The following KANSL2 variants were observed in gnomAD, a reference collection of about 807,000 sequenced individuals.
KANSL2 encodes KAT8 regulatory NSL complex subunit 2.
A neutral mutation model predicts 55.6 loss-of-function variants in KANSL2; 34 were observed. That is an observed-to-expected ratio of 0.61 (90% confidence interval 0.46 to 0.81). The LOEUF (loss-of-function observed/expected upper bound fraction) is 0.81. Among genes scored for constraint, KANSL2 ranks in the 40% least tolerant of loss-of-function variants. The probability of loss-of-function intolerance (pLI) is 0.00; values close to 1 mark genes in which losing one functional copy is unlikely to be tolerated. For synonymous variants in KANSL2, 209 were observed against 214.3 expected, an observed-to-expected ratio of 0.98 and a Z score of 0.22; for missense variants, 502 against 609.9, an observed-to-expected ratio of 0.82 and a Z score of 1.86.
chr12:48,668,201 C>T (rs2137190248), intron 6 of KANSL2, among the ~76,000 whole-genome samples: 1 of 152,330 alleles, frequency 6.6e-6, no homozygotes, highest in Middle Eastern at 3.4e-3. Context: ...CATTCAATTG[C>T]TCCTATTCTA....
Position 48,682,195 on chromosome 12 carries a change from C to A in KANSL2, c.-18G>T. Reference sequence around the variant, plus strand: ...GAGCACCGCCATCTTACCTCAGGAGCTGCGCTGCGCCGCACTCTGCCGCGC... The same window carrying A: ...GAGCACCGCCATCTTACCTCAGGAGATGCGCTGCGCCGCACTCTGCCGCGC... On this transcript the variant is annotated 5_prime_UTR_variant, in exon 1 of 10. Transcript: ENST00000420613. The A allele has an allele frequency of 4.4e-6, 3 of 677,388 alleles. No homozygotes were observed. Among genetic ancestry groups the A allele is most frequent in the East Asian group, 2.7e-5 (1 of 36,986 alleles). The allele number at this position is 677,388 out of a possible 1,614,324, so 42.0% of individuals were successfully genotyped here.
intron 7 of KANSL2, chr12:48,662,525 CAA>C (rs1939507123): frequency 2.4e-6 from 3 of 1,247,174 alleles, no homozygotes; most frequent in Non-Finnish European, 3.1e-6. Context: ...TCAGATGGGG[CAA>C]AAGAGGTAAA....
In KANSL2 at chr12:48,657,415, ACT is replaced by A. The variant is rs546459973; in HGVS notation, c.1228-2357_1228-2356del. ...ACTCCAGTCTGGGCAACAGAGCAAG[ACT>A]CTGTCTCAAAAAAAAATAATAAAAT... On this transcript the variant is annotated intron_variant, in intron 8 of 9. Transcript: ENST00000420613. Among the ~76,000 whole-genome samples the A allele has an allele frequency of 2.6e-4, 40 of 151,908 alleles. 2 individuals are homozygous for A. The South Asian group carries it at 8.1e-3, about 31-fold the overall frequency.
At chr12:48,672,043 T>G in intron 4 of KANSL2, 81 bp from the exon 5 acceptor site, 2 of 1,201,814 alleles carry the variant, frequency 1.7e-6, no homozygotes, top group Non-Finnish European at 2.3e-6. Flanking sequence ...GATGTCAGAC[T>G]AAGTTTGTTA....
At chr12:48,678,475 CA>C (rs963172419) in intron 4 of KANSL2, among the ~76,000 whole-genome samples, 4 of 151,932 alleles carry the variant, frequency 2.6e-5, no homozygotes, top group African/African-American at 9.7e-5. Flanking sequence ...AATCCACACA[CA>C]AAAAAACACT....
chr12:48,674,231 C>T (rs1475492962), intron 4 of KANSL2, among the ~76,000 whole-genome samples: 1 of 152,180 alleles, frequency 6.6e-6, no homozygotes, highest in Non-Finnish European at 1.5e-5. Flanking sequence ...ACCTCCGCCT[C>T]CCGGGTTCAA....
At position 48,677,704 on chromosome 12, in the gene KANSL2, G is replaced by C. The variant is rs1939848110; in HGVS notation, c.545+1332C>G. 3.7e-5 allele frequency among the ~76,000 whole-genome samples: 5 copies of C among 134,788 alleles called. No individual in the cohort carries two copies. The South Asian group carries it at 1.2e-3, about 33-fold the overall frequency. 88.4% of individuals were successfully genotyped at this position (134,788 alleles called of 152,430 possible). On this transcript the variant is annotated intron_variant, in intron 4 of 9. Transcript: ENST00000420613. ...GGAGGCTGAGGCAGGAGAATTGCTT[G>C]AACCTGGGAGGCGGAGGTTGCAGTG...
chr12:48,679,699 G>A lies in KANSL2; in HGVS notation c.386C>T (p.Ser129Phe). 6.2e-7 allele frequency: 1 copy of A among 1,613,550 alleles called. No individual in the cohort carries two copies. The highest frequency in any genetic ancestry group is 1.1e-5 in the South Asian group (1 of 90,920). ...LSSYAKTELGSQTPESSRSEA... is the reference protein window; with the variant it reads ...LSSYAKTELGFQTPESSRSEA... The stretch of plus-strand genomic sequence containing the variant: ...ACTGCGACTACTTTCTGGAGTCTGA[G>A]ACCCCAGCTCTGTCTTAGCATATGA... Residue 129 changes from serine (S) to phenylalanine (F), a missense_variant, in exon 3 of 10, where the codon TCT becomes TTT. Physicochemically the swap from Ser to Phe is radical, Grantham distance 155. Coordinates refer to ENST00000420613, the MANE Select transcript of KANSL2 (RefSeq NM_017822.4).
chr12:48,672,083 T>A (rs926197439), intron 4 of KANSL2, 121 bp from the exon 5 acceptor site: 1 of 766,398 alleles, frequency 1.3e-6, no homozygotes, highest in Non-Finnish European at 2.0e-6. Context: ...ATCACCTTAA[T>A]GTTTTTGCAA....
Position 48,666,909 on chromosome 12 carries a change from A to T in KANSL2, c.973+784T>A, listed in dbSNP as rs115318034. Among the ~76,000 whole-genome samples the T allele has an allele frequency of 1.3e-3, 201 of 152,038 alleles. 1 individual carries two copies. In the Middle Eastern group the frequency reaches 0.02, roughly 15 times the overall value. On this transcript the variant is annotated intron_variant, in intron 7 of 9. Coordinates refer to ENST00000420613, the MANE Select transcript of KANSL2 (RefSeq NM_017822.4). ...AAATAAAAAAATAAAAGCCGGGCAC[A>T]GTGGCTTACTCCTGTAATCCCAGCA... is the stretch of plus-strand genomic sequence containing the variant.
intron 2 of KANSL2, among the ~76,000 whole-genome samples, chr12:48,680,752 GGATC>G (rs1372889671): frequency 6.6e-6 from 1 of 152,018 alleles, no homozygotes; most frequent in Non-Finnish European, 1.5e-5. Context: ...CGAGGCGGAT[GGATC>G]ACCTGAGGTC....
At position 48,653,858 on chromosome 12, in the gene KANSL2, G is replaced by T; in HGVS notation, c.*186C>A. On this transcript the variant is annotated 3_prime_UTR_variant, in exon 10 of 10. Coordinates refer to ENST00000420613, the MANE Select transcript of KANSL2 (RefSeq NM_017822.4). ...GGGATTATCTCTCTTTCTCTTCCTTGCCCTGAGTGGGAAGAAACCCACGGT... is the reference window on the plus strand; with the variant it reads ...GGGATTATCTCTCTTTCTCTTCCTTTCCCTGAGTGGGAAGAAACCCACGGT... 2.0e-6 allele frequency: 1 copy of T among 492,298 alleles called. No homozygotes were observed. Among genetic ancestry groups the T allele is most frequent in the Non-Finnish European group, 3.5e-6 (1 of 283,982 alleles). 30.5% of individuals were successfully genotyped at this position (492,298 alleles called of 1,614,324 possible). A position where few individuals can be genotyped will look rare whatever the true frequency, so the allele number is the denominator to read the frequency against.
At chr12:48,668,949 T>C (rs1472746709) in intron 6 of KANSL2, among the ~76,000 whole-genome samples, 157 bp downstream of exon 6, 6 of 151,976 alleles carry the variant, frequency 3.9e-5, no homozygotes, top group African/African-American at 1.2e-4. Flanking sequence ...GGCAGGAGAA[T>C]TGCTTGAAAC....
chr12:48,675,547 G>C (rs1482840762), intron 4 of KANSL2, among the ~76,000 whole-genome samples: 1 of 152,102 alleles, frequency 6.6e-6, no homozygotes, highest in Non-Finnish European at 1.5e-5. Flanking sequence ...TTCACTTTTT[G>C]AATACTGAAA....
At chr12:48,671,655 G>C (rs1247201132) in intron 5 of KANSL2, 144 bp downstream of exon 5, 13 of 803,602 alleles carry the variant, frequency 1.6e-5, no homozygotes, top group Non-Finnish European at 2.6e-5. Context: ...TACCACCTAC[G>C]TTAGCGTGAG....
At chr12:48,677,759 T>C (rs1169619612) in intron 4 of KANSL2, among the ~76,000 whole-genome samples, 1 of 112,728 alleles carries the variant, frequency 8.9e-6, no homozygotes, top group African/African-American at 3.5e-5. Flanking sequence ...CACTCCAGCC[T>C]GGGTGACAGT....
intron 6 of KANSL2, among the ~76,000 whole-genome samples, chr12:48,668,838 G>T (rs1490243922): frequency 1.3e-5 from 2 of 151,734 alleles, no homozygotes; most frequent in Non-Finnish European, 2.9e-5. Flanking sequence ...TCAGGCATTG[G>T]AGACCAGCCT....
chr12:48,663,378 A>C (rs1000524999), intron 7 of KANSL2, among the ~76,000 whole-genome samples: 3 of 152,178 alleles, frequency 2.0e-5, no homozygotes, highest in Non-Finnish European at 4.4e-5. Context: ...TTTTTGAAAA[A>C]TTGTATATTT....
chr12:48,668,884 A>G (rs975036398), intron 6 of KANSL2, among the ~76,000 whole-genome samples: 89 of 152,062 alleles, frequency 5.9e-4, no homozygotes, highest in African/African-American at 2.0e-3. Flanking sequence ...ATACAAAAAC[A>G]TTAGCTGGGC....
Sources: allele counts gnomAD v4.1 joint callset (sites outside exome capture counted in the v4.1 genomes callset), GRCh38; gene constraint gnomAD v4.1.1; transcripts MANE v1.5; gene names NCBI Gene and HGNC (gene_info 2026-07-23, HGNC 2026-07-21).